TRAPPC3L: variants seen among roughly 807,000 people sequenced by gnomAD.
TRAPPC3L encodes the protein trafficking protein particle complex subunit 3-like protein.
In TRAPPC3L, 23 loss-of-function variants were observed where a neutral mutation model predicts 23.7. The observed-to-expected ratio is 0.97, with a 90% confidence interval of 0.70 to 1.37. The LOEUF (loss-of-function observed/expected upper bound fraction) is 1.37, where lower values mean the gene tolerates loss of function less well. Among genes scored for constraint, TRAPPC3L ranks in the 40% most tolerant of loss-of-function variants. The probability of loss-of-function intolerance (pLI) is 0.00; values close to 1 mark genes in which losing one functional copy is unlikely to be tolerated. For missense variants in TRAPPC3L, 212 were observed against 216.8 expected (o/e 0.98, Z 0.14); for synonymous variants, 81 against 77.9 (o/e 1.04, Z -0.21).
chr6:116,510,797 C>T (rs1241835055), intron 3 of TRAPPC3L, among the ~76,000 whole-genome samples: 2 of 151,802 alleles, frequency 1.3e-5, no homozygotes, highest in African/African-American at 4.8e-5. Context: ...GATAAAGAAA[C>T]TGTGGTGTAT....
At chr6:116,516,508 A>G (rs1464430887) in intron 3 of TRAPPC3L, 1 of 152,060 alleles carries the variant, frequency 6.6e-6, no homozygotes, top group Non-Finnish European at 1.5e-5. Context: ...CACAAGTTGC[A>G]AGAATATGAT....
rs188263021 is a variant in TRAPPC3L at position 116,531,565 on chromosome 6, G to A, written c.240+8798C>T. On this transcript the variant is annotated intron_variant, in intron 3 of 4. Transcript: ENST00000368602. ...GGTTCTTTCATGGGGTCTGATTATCGTGTCCCAGAATATCTCTACAATAAA... is the reference window on the plus strand; with the variant it reads ...GGTTCTTTCATGGGGTCTGATTATCATGTCCCAGAATATCTCTACAATAAA... Among the ~76,000 whole-genome samples, 3 of 152,144 alleles carry A rather than the reference G, an allele frequency of 2.0e-5. No individual in the cohort carries two copies. In the East Asian group the frequency reaches 5.8e-4, roughly 29 times the overall value.
chr6:116,505,139 C>T (rs1771981441), intron 3 of TRAPPC3L, among the ~76,000 whole-genome samples: 1 of 152,330 alleles, frequency 6.6e-6, no homozygotes, highest in East Asian at 1.9e-4. Flanking sequence ...AGCCCAAAAT[C>T]TCCTTAAGCT....
intron 3 of TRAPPC3L, among the ~76,000 whole-genome samples, chr6:116,535,937 A>G (rs532763813): frequency 6.6e-6 from 1 of 152,304 alleles, no homozygotes; most frequent in South Asian, 2.1e-4. Context: ...GGGGCTAATG[A>G]TAGATGATAG....
intron 3 of TRAPPC3L, among the ~76,000 whole-genome samples, chr6:116,514,564 C>T (rs1303110035): frequency 6.6e-6 from 1 of 152,168 alleles, no homozygotes; most frequent in Admixed American, 6.6e-5. Context: ...GTGAGTAACC[C>T]TCGTTTCACA....
intron 1 of TRAPPC3L, among the ~76,000 whole-genome samples, chr6:116,543,608 G>A (rs1012913333): frequency 6.6e-6 from 1 of 152,068 alleles, no homozygotes; most frequent in African/African-American, 2.4e-5. Flanking sequence ...AGAGAGAGCT[G>A]TTAAATAAAA....
chr6:116,528,122 A>G (rs533229579), intron 3 of TRAPPC3L, among the ~76,000 whole-genome samples: 58 of 152,358 alleles, frequency 3.8e-4, no homozygotes, highest in Admixed American at 3.3e-3. Context: ...GACTTGCAGA[A>G]TTTACTAAGA....
intron 3 of TRAPPC3L, among the ~76,000 whole-genome samples, chr6:116,536,084 T>C (rs1773067818): frequency 6.6e-6 from 1 of 152,202 alleles, no homozygotes; most frequent in African/African-American, 2.4e-5. Context: ...GACTTACAAA[T>C]GTTCAAAATA....
intron 4 of TRAPPC3L, among the ~76,000 whole-genome samples, chr6:116,498,386 A>G (rs7773919): frequency 0.041 from 6,232 of 152,298 alleles, 354 homozygotes; most frequent in African/African-American, 0.14. Flanking sequence ...AATCTGTGTG[A>G]ACAATACATT....
At chr6:116,522,697 G>GA (rs1171648244) in intron 3 of TRAPPC3L, 1 of 152,102 alleles carries the variant, frequency 6.6e-6, no homozygotes, top group East Asian at 1.9e-4. Context: ...TAATATCTAC[G>GA]AAAAAATAGC....
At chr6:116,502,359 G>C (rs566246231) in intron 3 of TRAPPC3L, among the ~76,000 whole-genome samples, 100 of 152,330 alleles carry the variant, frequency 6.6e-4, no homozygotes, top group African/African-American at 2.4e-3. Context: ...AAGCCTCCAA[G>C]AAATATGGGA....
intron 3 of TRAPPC3L, chr6:116,517,622 G>T (rs1308677651): frequency 6.6e-6 from 1 of 152,162 alleles, no homozygotes; most frequent in Non-Finnish European, 1.5e-5. Flanking sequence ...TTTACAAGAA[G>T]AAATATGTAT....
At chr6:116,498,694 A>T (rs936772267) in intron 4 of TRAPPC3L, among the ~76,000 whole-genome samples, 26 of 152,194 alleles carry the variant, frequency 1.7e-4, no homozygotes, top group African/African-American at 5.5e-4. Flanking sequence ...TGGTTCCTAA[A>T]TGTTGTGAAT....
chr6:116,522,063 T>C, intron 3 of TRAPPC3L: 1 of 152,058 alleles, frequency 6.6e-6, no homozygotes, highest in East Asian at 1.9e-4. Context: ...ATGGCTCCAA[T>C]TGTCTCAGAT....
rs1771835056 is a variant in TRAPPC3L at position 116,496,504 on chromosome 6, A to G, written c.*450T>C. On this transcript the variant is annotated 3_prime_UTR_variant, in exon 5 of 5. Transcript: ENST00000368602. ...CATATTTTTTTAGAAATATGGAATTATTTATTTAAGGAATGCAATATACAG... is the reference window on the plus strand; with the variant it reads ...CATATTTTTTTAGAAATATGGAATTGTTTATTTAAGGAATGCAATATACAG... 2.0e-5 allele frequency: 3 copies of G among 152,318 alleles called. No individual in the cohort carries two copies. Among genetic ancestry groups the G allele is most frequent in the Admixed American group, 2.0e-4 (3 of 15,276 alleles). The allele number at this position is 152,318 out of a possible 1,614,324, so 9.4% of individuals were successfully genotyped here.
At chr6:116,535,947 G>T (rs1471163137) in intron 3 of TRAPPC3L, among the ~76,000 whole-genome samples, 1 of 152,144 alleles carries the variant, frequency 6.6e-6, no homozygotes, top group Non-Finnish European at 1.5e-5. Flanking sequence ...ATAGATGATA[G>T]ATGTTCTTTT....
rs1771839172 is a variant in TRAPPC3L, at chr6:116,496,795, A to G, written c.*159T>C. The G allele has an allele frequency of 3.7e-6, 4 of 1,068,282 alleles. No individual in the cohort carries two copies. The highest frequency in any genetic ancestry group is 2.5e-4 in the Middle Eastern group (1 of 3,990). 66.2% of individuals were successfully genotyped at this position (1,068,282 alleles called of 1,614,324 possible). On this transcript the variant is annotated 3_prime_UTR_variant, in exon 5 of 5. Coordinates refer to ENST00000368602, the MANE Select transcript of TRAPPC3L (RefSeq NM_001139444.3). Reference sequence around the variant, plus strand: ...GCGTGATTTATAAGCAAAAGGAAAAAAAAACCTTTAAGCCTTCATGCCCTG... The same window carrying G: ...GCGTGATTTATAAGCAAAAGGAAAAGAAAACCTTTAAGCCTTCATGCCCTG...
chr6:116,543,766 T>C (rs1773603696), intron 1 of TRAPPC3L: 1 of 1,453,988 alleles, frequency 6.9e-7, no homozygotes, highest in South Asian at 1.3e-5. Context: ...TGTTTTCAGT[T>C]GGAAGCAAGA....
chr6:116,544,270 GC>G (rs1773641716), intron 1 of TRAPPC3L, among the ~76,000 whole-genome samples: 1 of 151,768 alleles, frequency 6.6e-6, no homozygotes, highest in African/African-American at 2.4e-5. Flanking sequence ...ACATGCCATG[GC>G]CCCAACATTG....
Sources: allele counts gnomAD v4.1 joint callset (sites outside exome capture counted in the v4.1 genomes callset), GRCh38; gene constraint gnomAD v4.1.1; transcripts MANE v1.5; gene names NCBI Gene and HGNC (gene_info 2026-07-23, HGNC 2026-07-21).